DSCAM: variants seen among roughly 807,000 people sequenced by gnomAD.
DSCAM encodes DS cell adhesion molecule.
Under a neutral mutation model 217.7 loss-of-function variants are expected in DSCAM, and 47 were observed. That is an observed-to-expected ratio of 0.22 (90% CI 0.17 to 0.28). The LOEUF is 0.28. DSCAM is among the 10% of genes least tolerant of loss of function. The probability of loss-of-function intolerance (pLI) is 1.00; values close to 1 mark genes in which losing one functional copy is unlikely to be tolerated. For missense variants in DSCAM, 2,080 were observed against 2,618.3 expected (o/e 0.79, Z 4.49); for synonymous variants, 1,056 against 1,015.3 (o/e 1.04, Z -0.76).
chr21:40,075,771 A>G (rs918875793), intron 26 of DSCAM, among the ~76,000 whole-genome samples: 4 of 152,236 alleles, frequency 2.6e-5, no homozygotes, highest in Non-Finnish European at 5.9e-5. Context: ...CAAGAGCTAC[A>G]GACAGCTTTT....
rs11390635 is a variant in DSCAM, at chr21:40,012,076, TAAA to T, written c.*955_*957del. On this transcript the variant is annotated 3_prime_UTR_variant, in exon 33 of 33. Coordinates refer to ENST00000400454, the MANE Select transcript of DSCAM (RefSeq NM_001389.5). ...GGCCTTGTTTCAATAAAACTTTATT[TAAA>T]AAACAGCAGGAGGCTGGATTTGGCC... is the stretch of plus-strand genomic sequence containing the variant. The T allele has an allele frequency of 6.6e-6, 1 of 152,086 alleles. No homozygotes were observed. The highest frequency in any genetic ancestry group is 2.4e-5 in the African/African-American group (1 of 41,460). 9.4% of individuals were successfully genotyped at this position (152,086 alleles called of 1,614,324 possible). A position where few individuals can be genotyped will look rare whatever the true frequency, so the allele number is the denominator to read the frequency against.
In DSCAM at chr21:40,013,151, C is replaced by T. The variant is rs753221911; in HGVS notation, c.5922G>A (p.Arg1974=). The change falls in exon 33 of 33, where the codon CGG becomes CGA. Residue 1974 remains arginine, a synonymous_variant. Transcript: ENST00000400454. The part of the protein sequence containing the change: ...QPGAVATLPQ[R]EGAELGQAAK... ...CTGCCTGTCCCAGCTCTGCTCCCTC[C>T]CGCTGAGGTAATGTGGCCACGGCCC... is the stretch of plus-strand genomic sequence containing the variant. The T allele has an allele frequency of 6.2e-7, 1 of 1,613,574 alleles. No individual in the cohort carries two copies. The highest frequency in any genetic ancestry group is 8.5e-7 in the Non-Finnish European group (1 of 1,179,742).
At chr21:40,684,131 G>A (rs996988404) in intron 3 of DSCAM, among the ~76,000 whole-genome samples, 1 of 151,912 alleles carries the variant, frequency 6.6e-6, no homozygotes, top group Non-Finnish European at 1.5e-5. Flanking sequence ...GGCTGAGGCA[G>A]GAGAATCACT....
chr21:40,734,996 T>C (rs775362147), intron 1 of DSCAM, among the ~76,000 whole-genome samples: 2 of 152,228 alleles, frequency 1.3e-5, no homozygotes, highest in Non-Finnish European at 2.9e-5. Context: ...TGCTGGTTGG[T>C]TCAATATTTA....
At chr21:40,428,397 A>G (rs2075497636) in intron 3 of DSCAM, among the ~76,000 whole-genome samples, 1 of 151,686 alleles carries the variant, frequency 6.6e-6, no homozygotes, top group African/African-American at 2.4e-5. Context: ...CAGCCTCCAG[A>G]GTAACTGGGA....
intron 11 of DSCAM, among the ~76,000 whole-genome samples, chr21:40,223,877 A>G (rs1441212947): frequency 2.6e-5 from 4 of 152,224 alleles, no homozygotes; most frequent in African/African-American, 9.6e-5. Context: ...CTGCCCAGAT[A>G]GGCCCATGTG....
chr21:40,425,075 A>G (rs182075570), intron 3 of DSCAM, among the ~76,000 whole-genome samples: 113 of 152,314 alleles, frequency 7.4e-4, no homozygotes, highest in Non-Finnish European at 1.2e-3. Flanking sequence ...TCTCTGTGAC[A>G]AGAGTGAAAC....
At chr21:40,363,625 A>C (rs1459057042) in intron 4 of DSCAM, among the ~76,000 whole-genome samples, 2 of 152,160 alleles carry the variant, frequency 1.3e-5, no homozygotes, top group Non-Finnish European at 2.9e-5. Flanking sequence ...TAGGGAAAGG[A>C]CTTCATGTCT....
At chr21:40,559,624 AAC>A (rs1225693997) in intron 3 of DSCAM, among the ~76,000 whole-genome samples, 9 of 152,048 alleles carry the variant, frequency 5.9e-5, no homozygotes, top group Non-Finnish European at 1.2e-4. Flanking sequence ...ATTTACACAA[AAC>A]ACACAAATTT....
chr21:40,067,214 T>C (rs564432240), intron 27 of DSCAM, among the ~76,000 whole-genome samples: 2 of 152,106 alleles, frequency 1.3e-5, no homozygotes, highest in Admixed American at 1.3e-4. Flanking sequence ...CAGACAAAGA[T>C]CAAAATTCAA....
chr21:40,349,872 G>A (rs1361801410), intron 5 of DSCAM, among the ~76,000 whole-genome samples: 1 of 152,100 alleles, frequency 6.6e-6, no homozygotes, highest in Non-Finnish European at 1.5e-5. Flanking sequence ...AAAGCAGACA[G>A]CAAAAATGGC....
intron 3 of DSCAM, among the ~76,000 whole-genome samples, chr21:40,668,042 C>A (rs1240444724): frequency 6.6e-6 from 1 of 152,208 alleles, no homozygotes; most frequent in African/African-American, 2.4e-5. Context: ...CAGTCTCATT[C>A]TATTAACTCT....
At chr21:40,687,849 T>C (rs1002019481) in intron 3 of DSCAM, among the ~76,000 whole-genome samples, 1 of 151,972 alleles carries the variant, frequency 6.6e-6, no homozygotes, top group Non-Finnish European at 1.5e-5. Context: ...GCAGAAACCA[T>C]CTCTGCAGGG....
intron 7 of DSCAM, among the ~76,000 whole-genome samples, chr21:40,338,894 A>G (rs1171949624): frequency 6.6e-6 from 1 of 152,230 alleles, no homozygotes; most frequent in East Asian, 1.9e-4. Flanking sequence ...CATCAGGTGA[A>G]CAGATCTAGA....
At position 40,016,784 on chromosome 21, in the gene DSCAM, G is replaced by C. The variant is rs1462244421; in HGVS notation, c.5687-3398C>G. ...CCTGAACCTTAGGAAACACCTTCAAGTTTACCCACAGAAAAAGAACAACCA... is the reference window on the plus strand; with the variant it reads ...CCTGAACCTTAGGAAACACCTTCAACTTTACCCACAGAAAAAGAACAACCA... On this transcript the variant is annotated intron_variant, in intron 32 of 32. Coordinates refer to ENST00000400454, the MANE Select transcript of DSCAM (RefSeq NM_001389.5). The surrounding 1 kb of genome is among the most constrained non-coding windows in gnomAD (Gnocchi z 4.3). 6.6e-6 allele frequency among the ~76,000 whole-genome samples: 1 copy of C among 152,168 alleles called. No individual in the cohort carries two copies. The highest frequency in any genetic ancestry group is 1.5e-5 in the Non-Finnish European group (1 of 68,042).
At chr21:40,801,792 T>G (rs1486030204) in intron 1 of DSCAM, among the ~76,000 whole-genome samples, 1 of 152,194 alleles carries the variant, frequency 6.6e-6, no homozygotes, top group East Asian at 1.9e-4. Flanking sequence ...TTCTCAGGTT[T>G]GCAGAAAGCA....
chr21:40,076,977 A>G (rs1399480867), intron 26 of DSCAM, among the ~76,000 whole-genome samples: 2 of 152,232 alleles, frequency 1.3e-5, no homozygotes, highest in African/African-American at 4.8e-5. Context: ...TAATTCAACC[A>G]TATTACAGGG....
intron 11 of DSCAM, among the ~76,000 whole-genome samples, chr21:40,239,933 T>G (rs763617399): frequency 6.6e-6 from 1 of 152,180 alleles, no homozygotes; most frequent in African/African-American, 2.4e-5. Context: ...AGCATCTCAG[T>G]TATACTTCCA....
At chr21:40,598,761 C>T (rs1031486341) in intron 3 of DSCAM, among the ~76,000 whole-genome samples, 1 of 151,966 alleles carries the variant, frequency 6.6e-6, no homozygotes, top group Non-Finnish European at 1.5e-5. Context: ...CCTCGGCCTC[C>T]CAAAGTGCTG....
Sources: gnomAD v4.1 joint callset for allele counts (sites outside exome capture counted in the v4.1 genomes callset) on GRCh38, gnomAD v4.1.1 for gene constraint, Gnocchi (gnomAD v3.1) non-coding constraint, MANE v1.5 for transcripts, NCBI Gene and HGNC (gene_info 2026-07-23, HGNC 2026-07-21) for gene names.